Variants in ATG12 observed in about 807,000 individuals in gnomAD.
ATG12 encodes autophagy related 12.
In ATG12, 19 loss-of-function variants were observed where a neutral mutation model predicts 17.6. That is an observed-to-expected ratio of 1.08 (90% CI 0.75 to 1.58). ATG12 has a LOEUF of 1.58. ATG12 is among the 40% of genes most tolerant of loss of function. The pLI is 0.00. For missense variants in ATG12, 214 were observed against 162.0 expected (o/e 1.32, Z -1.74); for synonymous variants, 75 against 62.4 (o/e 1.20, Z -0.95).
intron 1 of ATG12, 44 bp downstream of exon 1, chr5:115,841,346 A>T: frequency 6.2e-7 from 1 of 1,608,358 alleles, no homozygotes; most frequent in Non-Finnish European, 8.5e-7. Context: ...ACTCGGATGC[A>T]ATCTGAACCT....
At chr5:115,840,962 G>C in intron 1 of ATG12, 1 of 1,125,044 alleles carries the variant, frequency 8.9e-7, no homozygotes. Context: ...GCAAAAGCGA[G>C]TTAAGTTGGA....
intron 2 of ATG12, among the ~76,000 whole-genome samples, chr5:115,837,027 A>G (rs561501755): frequency 1.3e-5 from 2 of 152,336 alleles, no homozygotes; most frequent in African/African-American, 4.8e-5. Flanking sequence ...ACAAACTGAA[A>G]AAATCCAAAA....
At chr5:115,840,692 T>C (rs192570866) in intron 1 of ATG12, 18 of 1,199,776 alleles carry the variant, frequency 1.5e-5, no homozygotes, top group Admixed American at 1.4e-4. Context: ...GCTTTTCCCA[T>C]AGGCAACTCT....
Position 115,832,567 on chromosome 5 carries a change from CTTTCTTTTTTTT to C in ATG12, c.363+23_363+34del, listed in dbSNP as rs1211934622. 7.7e-4 allele frequency: 817 copies of C among 1,065,670 alleles called. 1 individual carries two copies. Among genetic ancestry groups the C allele is most frequent in the East Asian group, 4.7e-3 (103 of 21,698 alleles). The allele number at this position is 1,065,670 out of a possible 1,614,324, so 66.0% of individuals were successfully genotyped here. ...GATTAAGAAAAAAAAGCAGTAATTT[CTTTCTTTTTTTT>C]TTTTTTTTTTTTTTTTTTTTACCTC... On this transcript the variant is annotated intron_variant, in intron 3 of 3. Transcript: ENST00000509910.
intron 2 of ATG12, 184 bp from the exon 3 acceptor site, chr5:115,832,848 G>C (rs2112719505): frequency 2.0e-6 from 1 of 503,960 alleles, no homozygotes; most frequent in Non-Finnish European, 3.4e-6. Flanking sequence ...TTTTCCTCCA[G>C]AGGAATAAAA....
At chr5:115,833,430 C>G (rs1482018859) in intron 2 of ATG12, 1 of 152,000 alleles carries the variant, frequency 6.6e-6, no homozygotes, top group Non-Finnish European at 1.5e-5. Flanking sequence ...ATTTTGATCA[C>G]CAACCATGAA....
At position 115,830,612 on chromosome 5, in the gene ATG12, G is replaced by A. The variant is rs1013710742; in HGVS notation, c.*1192C>T. The A allele has an allele frequency of 2.0e-5, 3 of 151,914 alleles. No individual in the cohort carries two copies. The highest frequency in any genetic ancestry group is 2.9e-5 in the Non-Finnish European group (2 of 67,996). The allele number at this position is 151,914 out of a possible 1,614,324, so 9.4% of individuals were successfully genotyped here. On this transcript the variant is annotated 3_prime_UTR_variant, in exon 4 of 4. Transcript: ENST00000509910. Reference sequence around the variant, plus strand: ...AGCAGGAATGCAGTGGTACAATCACGACTCACTATACCCTTGAACTTCTGG... The same window carrying A: ...AGCAGGAATGCAGTGGTACAATCACAACTCACTATACCCTTGAACTTCTGG...
chr5:115,839,319 T>G (rs914021668), intron 1 of ATG12: 1 of 93,946 alleles, frequency 1.1e-5, no homozygotes, highest in Admixed American at 1.2e-4. Flanking sequence ...CTAGAACACA[T>G]GATCTTTATC....
intron 2 of ATG12, among the ~76,000 whole-genome samples, chr5:115,836,128 A>T (rs1761088716): frequency 6.6e-6 from 1 of 152,146 alleles, no homozygotes; most frequent in Non-Finnish European, 1.5e-5. Context: ...TATTGCTTAA[A>T]TGGGAAAGGA....
Position 115,837,963 on chromosome 5 carries a change from G to A in ATG12, c.164-199C>T, listed in dbSNP as rs527558982. ...TGATCCTACAAAGTTCTCCCAACAG[G>A]ACTAATTTTTAAAATGCCTTTTATC... is the stretch of plus-strand genomic sequence containing the variant. On this transcript the variant is annotated intron_variant, in intron 1 of 3. Transcript: ENST00000509910. The A allele has an allele frequency of 2.2e-5, 10 of 448,608 alleles. No homozygotes were observed. In the South Asian group the frequency reaches 5.3e-4, roughly 24 times the overall value. The allele number at this position is 448,608 out of a possible 1,614,324, so 27.8% of individuals were successfully genotyped here. A position where few individuals can be genotyped will look rare whatever the true frequency, so the allele number is the denominator to read the frequency against.
At chr5:115,832,183 T>TTA (rs143702301) in intron 3 of ATG12, among the ~76,000 whole-genome samples, 5,418 of 152,214 alleles carry the variant, frequency 0.036, 297 homozygotes, top group African/African-American at 0.12. Flanking sequence ...TGTACTCTAA[T>TTA]AACTATTACA....
chr5:115,840,444 C>T (rs1050896807), intron 1 of ATG12: 7 of 291,616 alleles, frequency 2.4e-5, no homozygotes, highest in South Asian at 2.1e-4. Flanking sequence ...ATTACAGGCG[C>T]GCGCCACCAC....
intron 3 of ATG12, 35 bp downstream of exon 3, chr5:115,832,567 C>CT (rs1561450485): frequency 1.4e-4 from 144 of 1,066,348 alleles, no homozygotes; most frequent in South Asian, 5.2e-4. Flanking sequence ...GCAGTAATTT[C>CT]TTTCTTTTTT....
intron 1 of ATG12, chr5:115,840,986 A>G: frequency 1.1e-6 from 1 of 902,718 alleles, no homozygotes; most frequent in Admixed American, 2.4e-5. Flanking sequence ...CATGAATTCT[A>G]ATCCAGGCTT....
chr5:115,839,111 A>C, intron 1 of ATG12: 1 of 142,270 alleles, frequency 7.0e-6, no homozygotes, highest in African/African-American at 2.7e-5. Context: ...TGACAGACTG[A>C]GACATCCTCT....
Position 115,841,526 on chromosome 5 carries a change from C to G in ATG12, c.27G>C (p.Leu9Phe). Residue 9 changes from leucine to phenylalanine, a missense_variant, in exon 1 of 4, where the codon TTG becomes TTC. Transcript: ENST00000509910. ...CAGCAGCAATTGAAGTAGGAAGCTGCAACACAGACTGCGGCTCCTCCGCCA... is the reference window on the plus strand; with the variant it reads ...CAGCAGCAATTGAAGTAGGAAGCTGGAACACAGACTGCGGCTCCTCCGCCA... MAEEPQSV[L>F]QLPTSIAAGG... 6.2e-7 allele frequency: 1 copy of G among 1,613,434 alleles called. No homozygotes were observed. Among genetic ancestry groups the G allele is most frequent in the Non-Finnish European group, 8.5e-7 (1 of 1,179,768 alleles).
rs1760764455 is a variant in ATG12, at chr5:115,829,237, TG to T, written c.*2566del. ...CTTGGAAAATGAAGCAGAAACTGCA[TG>T]AAAAGAGATTTTTATTTTCACACTC... On this transcript the variant is annotated 3_prime_UTR_variant, in exon 4 of 4. Coordinates refer to ENST00000509910, the MANE Select transcript of ATG12 (RefSeq NM_004707.4). 6.6e-6 allele frequency: 1 copy of T among 152,182 alleles called. No homozygotes were observed. The highest frequency in any genetic ancestry group is 1.5e-5 in the Non-Finnish European group (1 of 68,040). 9.4% of individuals were successfully genotyped at this position (152,182 alleles called of 1,614,324 possible).
In ATG12 at chr5:115,830,872, G is replaced by A. The variant is rs1259489684; in HGVS notation, c.*932C>T. On this transcript the variant is annotated 3_prime_UTR_variant, in exon 4 of 4. Coordinates refer to ENST00000509910, the MANE Select transcript of ATG12 (RefSeq NM_004707.4). ...AACATAATACTAAAGAGAAAAAAAG[G>A]TTAAATTTCACTTCAAGAAATTATC... is the stretch of plus-strand genomic sequence containing the variant. 6.6e-6 allele frequency: 1 copy of A among 152,084 alleles called. No homozygotes were observed. Among genetic ancestry groups the A allele is most frequent in the African/African-American group, 2.4e-5 (1 of 41,392 alleles). 9.4% of individuals were successfully genotyped at this position (152,084 alleles called of 1,614,324 possible). A position where few individuals can be genotyped will look rare whatever the true frequency, so the allele number is the denominator to read the frequency against.
rs553346510 is a variant in ATG12, at chr5:115,828,203, G to A, written c.*3601C>T. ...GACTCCAAGAACAGGGACTTTATTA[G>A]TCTCTTATGAGCTTTATTAGTGTTA... On this transcript the variant is annotated 3_prime_UTR_variant, in exon 4 of 4. Coordinates refer to ENST00000509910, the MANE Select transcript of ATG12 (RefSeq NM_004707.4). 4 of 152,216 alleles carry A rather than the reference G, an allele frequency of 2.6e-5. No homozygotes were observed. The South Asian group carries it at 8.3e-4, about 32-fold the overall frequency. The allele number at this position is 152,216 out of a possible 1,614,324, so 9.4% of individuals were successfully genotyped here.
Sources: gnomAD v4.1 joint callset for allele counts (sites outside exome capture counted in the v4.1 genomes callset) on GRCh38, gnomAD v4.1.1 for gene constraint, MANE v1.5 for transcripts, NCBI Gene and HGNC (gene_info 2026-07-23, HGNC 2026-07-21) for gene names.